SLC6A4: variants seen among roughly 807,000 people sequenced by gnomAD.
SLC6A4 encodes sodium-dependent serotonin transporter.
A neutral mutation model predicts 73.4 loss-of-function variants in SLC6A4; 22 were observed. That is an observed-to-expected ratio of 0.30 (90% CI 0.21 to 0.43). The LOEUF is 0.43. Among genes scored for constraint, SLC6A4 ranks in the 20% least tolerant of loss-of-function variants. SLC6A4 has a pLI of 1.00. For missense variants in SLC6A4, 593 were observed against 808.5 expected (o/e 0.73, Z 3.23); for synonymous variants, 270 against 315.5 (o/e 0.86, Z 1.53).
chr17:30,199,457 T>C (rs4325622), intron 14 of SLC6A4, among the ~76,000 whole-genome samples: 57,927 of 152,062 alleles, frequency 0.38, 13,526 homozygotes, highest in East Asian at 0.82. Context: ...TTACTGATCT[T>C]TAGGTGAAGT....
intron 1 of SLC6A4, among the ~76,000 whole-genome samples, chr17:30,226,889 G>GAAAA (rs57429941): frequency 8.1e-6 from 1 of 122,772 alleles, no homozygotes; most frequent in Non-Finnish European, 1.6e-5. Context: ...AAAAGAAAAA[G>GAAAA]AAAGAAAAAA....
In SLC6A4 at chr17:30,210,617, A is replaced by G. The variant is rs776133632; in HGVS notation, c.1347T>C (p.Ala449=). 1 of 1,613,446 alleles carries G rather than the reference A, an allele frequency of 6.2e-7. No individual in the cohort carries two copies. Among genetic ancestry groups the G allele is most frequent in the Non-Finnish European group, 8.5e-7 (1 of 1,179,698 alleles). The part of the protein sequence containing the change: ...TFAGLEGVIT[A]VLDEFPHVWA... ...AGACGTGTGGGAACTCATCCAGCAC[A>G]GCCGTGATCACCCCCTCCAAGCCTG... Residue 449 remains alanine, a synonymous_variant, in exon 11 of 15, where the codon GCT becomes GCC. Transcript: ENST00000650711.
intron 8 of SLC6A4, among the ~76,000 whole-genome samples, chr17:30,214,529 C>T (rs1906491640): frequency 6.6e-6 from 1 of 150,570 alleles, no homozygotes; most frequent in Non-Finnish European, 1.5e-5. Flanking sequence ...CAAATAATCA[C>T]ATTACAATTT....
Position 30,221,712 on chromosome 17 carries a change from C to T in SLC6A4, c.247G>A (p.Gly83Ser), listed in dbSNP as rs1304639036. 1.2e-6 allele frequency: 2 copies of T among 1,614,184 alleles called. No homozygotes were observed. Among genetic ancestry groups the T allele is most frequent in the East Asian group, 2.2e-5 (1 of 44,890 alleles). ...ELHQGERETW[G>S]KKVDFLLSVI... is the part of the protein sequence containing the mutation. The stretch of plus-strand genomic sequence containing the variant: ...GAGAGAAGGAAATCCACCTTCTTGC[C>T]CCAGGTCTCCCGTTCCCCTTGATGA... The change falls in exon 3 of 15, where the codon GGC (glycine) becomes AGC (serine). Residue 83 changes from glycine to serine, a missense_variant. By Grantham distance (56) the Gly-to-Ser change is moderately conservative. Transcript: ENST00000650711.
At chr17:30,218,756 G>A (rs1404249741) in intron 4 of SLC6A4, 41 bp downstream of exon 4, 1 of 1,609,208 alleles carries the variant, frequency 6.2e-7, no homozygotes, top group Non-Finnish European at 8.5e-7. Context: ...ATCCCTTCCT[G>A]AGAGGCTCCA....
rs1906386089 is a variant in SLC6A4 at position 30,211,553 on chromosome 17, GAC to G, written c.1205-131_1205-130del. 1 of 669,460 alleles carries G rather than the reference GAC, an allele frequency of 1.5e-6. No homozygotes were observed. Among genetic ancestry groups the G allele is most frequent in the Non-Finnish European group, 2.7e-6 (1 of 364,894 alleles). 41.5% of individuals were successfully genotyped at this position (669,460 alleles called of 1,614,324 possible). A position where few individuals can be genotyped will look rare whatever the true frequency, so the allele number is the denominator to read the frequency against. On this transcript the variant is annotated intron_variant, in intron 9 of 14. Coordinates refer to ENST00000650711, the MANE Select transcript of SLC6A4 (RefSeq NM_001045.6). The surrounding 1 kb of genome is among the most constrained non-coding windows in gnomAD (Gnocchi z 4.0). ...AGACCTTATGTGTGAATCAGGTTTT[GAC>G]ACACACCAAGTGCGTCCTCACACTC... is the stretch of plus-strand genomic sequence containing the variant.
intron 14 of SLC6A4, among the ~76,000 whole-genome samples, chr17:30,200,101 C>G (rs914441546): frequency 1.3e-5 from 2 of 152,152 alleles, no homozygotes; most frequent in African/African-American, 4.8e-5. Flanking sequence ...CACCATAGCT[C>G]AGAGAGAGAA....
chr17:30,209,360 G>T (rs1009358678), intron 11 of SLC6A4, 118 bp from the exon 12 acceptor site: 6 of 644,824 alleles, frequency 9.3e-6, no homozygotes, highest in Non-Finnish European at 1.6e-5. Context: ...ACCTGGGACC[G>T]AACGTGAGTA....
At chr17:30,206,241 C>CAAAAAAAAAAAAA (rs5819882) in intron 13 of SLC6A4, 2 of 106,562 alleles carry the variant, frequency 1.9e-5, no homozygotes, top group African/African-American at 3.4e-5. Context: ...CTCTAAAAGA[C>CAAAAAAAAAAAAA]AAAAAAAAAA....
At position 30,195,692 on chromosome 17, in the gene SLC6A4, A is replaced by G. The variant is rs1267633153; in HGVS notation, c.*2764T>C. 1 of 152,206 alleles carries G rather than the reference A, an allele frequency of 6.6e-6. No homozygotes were observed. The highest frequency in any genetic ancestry group is 1.5e-5 in the Non-Finnish European group (1 of 68,048). The allele number at this position is 152,206 out of a possible 1,614,324, so 9.4% of individuals were successfully genotyped here. On this transcript the variant is annotated 3_prime_UTR_variant, in exon 15 of 15. Coordinates refer to ENST00000650711, the MANE Select transcript of SLC6A4 (RefSeq NM_001045.6). ...CTCTAATGGCATTATCTGACCTTTA[A>G]AATATTATTATCATTAAAATTTAGA... is the stretch of plus-strand genomic sequence containing the variant.
At chr17:30,209,085 G>T (rs1597635769) in intron 12 of SLC6A4, 58 bp downstream of exon 12, 2 of 1,199,952 alleles carry the variant, frequency 1.7e-6, no homozygotes, top group Admixed American at 1.8e-5. Flanking sequence ...TCAGCCCTTT[G>T]CTACTGTGCT....
Position 30,222,060 on chromosome 17 carries a change from G to A in SLC6A4, c.-102C>T, listed in dbSNP as rs753903720. 3.2e-6 allele frequency: 5 copies of A among 1,583,968 alleles called. No homozygotes were observed. Among genetic ancestry groups the A allele is most frequent in the Non-Finnish European group, 4.3e-6 (5 of 1,165,390 alleles). On this transcript the variant is annotated 5_prime_UTR_variant, in exon 3 of 15. Coordinates refer to ENST00000650711, the MANE Select transcript of SLC6A4 (RefSeq NM_001045.6). ...TCACCTCCGAGCTCTCTATCGTCGG[G>A]ATTGACACGTCGGGATTGACTCTGT...
intron 1 of SLC6A4, among the ~76,000 whole-genome samples, chr17:30,233,114 G>T (rs1204443178): frequency 6.6e-6 from 1 of 152,164 alleles, no homozygotes; most frequent in Non-Finnish European, 1.5e-5. Flanking sequence ...TTCCCTGTAA[G>T]AGCAAGGGAG....
intron 3 of SLC6A4, among the ~76,000 whole-genome samples, chr17:30,221,275 C>T (rs888571511): frequency 6.6e-6 from 1 of 152,082 alleles, no homozygotes. Flanking sequence ...CCACGCCTGG[C>T]GAGATTTGAC....
At chr17:30,229,536 G>A (rs1324027291) in intron 1 of SLC6A4, among the ~76,000 whole-genome samples, 1 of 152,212 alleles carries the variant, frequency 6.6e-6, no homozygotes, top group Middle Eastern at 3.4e-3. Context: ...CCACGGAGGT[G>A]TCTTTTAGGC....
intron 12 of SLC6A4, among the ~76,000 whole-genome samples, chr17:30,208,469 G>T (rs1384008989): frequency 1.3e-5 from 2 of 152,136 alleles, no homozygotes; most frequent in African/African-American, 2.4e-5. Context: ...GTGCTCTGTG[G>T]TTGCTTCCCC....
chr17:30,218,668 A>T, intron 4 of SLC6A4, 129 bp downstream of exon 4: 2 of 916,542 alleles, frequency 2.2e-6, no homozygotes, highest in Non-Finnish European at 3.4e-6. Flanking sequence ...AACCTTAATT[A>T]CTCAAGCAGT....
At chr17:30,225,543 C>T (rs1238723059) in intron 1 of SLC6A4, among the ~76,000 whole-genome samples, 2 of 152,146 alleles carry the variant, frequency 1.3e-5, no homozygotes, top group Non-Finnish European at 2.9e-5. Context: ...TTTTATCCTG[C>T]TGGGTGGAAA....
Position 30,209,199 on chromosome 17 carries a change from C to A in SLC6A4, c.1493G>T (p.Gly498Val). 1 of 1,613,842 alleles carries A rather than the reference C, an allele frequency of 6.2e-7. No individual in the cohort carries two copies. The highest frequency in any genetic ancestry group is 8.5e-7 in the Non-Finnish European group (1 of 1,179,872). Residue 498 changes from glycine to valine, a missense_variant, in exon 12 of 15, where the codon GGG (glycine) becomes GTG (valine). Gly to Val is a moderately radical substitution (Grantham distance 109). Transcript: ENST00000650711. The stretch of plus-strand genomic sequence containing the variant: ...CAGCGCGACAGTGAGCACTGCGGGC[C>A]CCGTGGCATACTCCTCCAGCAGCTT... ...VVKLLEEYAT[G>V]PAVLTVALIE...
Sources: allele counts gnomAD v4.1 joint callset (sites outside exome capture counted in the v4.1 genomes callset), GRCh38; gene constraint gnomAD v4.1.1; non-coding constraint Gnocchi (gnomAD v3.1); transcripts MANE v1.5; gene names NCBI Gene and HGNC (gene_info 2026-07-23, HGNC 2026-07-21).